PLAG1: variants seen among roughly 807,000 people sequenced by gnomAD.
The protein encoded by PLAG1 is PLAG1 zinc finger.
Under a neutral mutation model 35.5 loss-of-function variants are expected in PLAG1, and 7 were observed. The observed-to-expected ratio is 0.20, with a 90% confidence interval of 0.11 to 0.37. The LOEUF (loss-of-function observed/expected upper bound fraction) is 0.37, where lower values mean the gene tolerates loss of function less well. PLAG1 is among the 10% of genes least tolerant of loss of function. PLAG1 has a pLI of 1.00. For missense variants in PLAG1, 454 were observed against 602.8 expected, an observed-to-expected ratio of 0.75 and a Z score of 2.58; for synonymous variants, 229 against 225.4, an observed-to-expected ratio of 1.02 and a Z score of -0.14.
chr8:56,174,241 T>C (rs566316721), intron 2 of PLAG1, among the ~76,000 whole-genome samples: 25 of 152,116 alleles, frequency 1.6e-4, no homozygotes, highest in Non-Finnish European at 2.9e-4. Flanking sequence ...AAAAAGAAAC[T>C]TACCAGTTCT....
At chr8:56,207,465 C>A (rs1812732036) in intron 1 of PLAG1, among the ~76,000 whole-genome samples, 1 of 151,980 alleles carries the variant, frequency 6.6e-6, no homozygotes, top group Non-Finnish European at 1.5e-5. Context: ...ACTGATAAAG[C>A]AAATTCACTA....
intron 3 of PLAG1, among the ~76,000 whole-genome samples, chr8:56,169,821 G>C (rs1259618251): frequency 6.6e-6 from 1 of 152,204 alleles, no homozygotes; most frequent in East Asian, 1.9e-4. Flanking sequence ...TGGGATTATA[G>C]GCGTGAGCCG....
intron 2 of PLAG1, among the ~76,000 whole-genome samples, chr8:56,176,510 T>C (rs1811700811): frequency 6.6e-6 from 1 of 152,284 alleles, no homozygotes; most frequent in East Asian, 1.9e-4. Context: ...TTCATTTTTT[T>C]CACATGGGGC....
Position 56,167,259 on chromosome 8 carries a change from C to G in PLAG1, c.487G>C (p.Gly163Arg). 6.8e-6 allele frequency: 11 copies of G among 1,614,010 alleles called. No homozygotes were observed. The highest frequency in any genetic ancestry group is 9.3e-6 in the Non-Finnish European group (11 of 1,179,930). ...KVCLQTFEST[G>R]VLLEHLKSHA... ...GATTTAAGGTGCTCCAGAAGCACTC[C>G]CGTGCTTTCAAAAGTTTGCAAACAT... The change falls in exon 5 of 5, where the codon GGA becomes CGA. Residue 163 changes from glycine (G) to arginine (R), a missense_variant. By Grantham distance (125) the Gly-to-Arg change is moderately radical. Coordinates refer to ENST00000316981, the MANE Select transcript of PLAG1 (RefSeq NM_002655.3). This position sits in a 1 kb window ranked among gnomAD's most constrained non-coding sequence, Gnocchi z 5.9.
chr8:56,182,583 G>A (rs1194145359), intron 1 of PLAG1, among the ~76,000 whole-genome samples: 1 of 140,234 alleles, frequency 7.1e-6, no homozygotes, highest in Non-Finnish European at 1.6e-5. Context: ...AGCAAGAGAA[G>A]TTATTGGGTG....
At chr8:56,198,926 T>G (rs535495841) in intron 1 of PLAG1, among the ~76,000 whole-genome samples, 2 of 152,332 alleles carry the variant, frequency 1.3e-5, no homozygotes, top group South Asian at 4.2e-4. Flanking sequence ...TGGCAGGCAC[T>G]TTGTAAAATT....
chr8:56,189,015 A>G (rs891740492), intron 1 of PLAG1, among the ~76,000 whole-genome samples: 1 of 152,212 alleles, frequency 6.6e-6, no homozygotes, highest in Non-Finnish European at 1.5e-5. Flanking sequence ...GAAGGCCACA[A>G]AATGTAAGCT....
chr8:56,175,105 A>G (rs1489838916), intron 2 of PLAG1, among the ~76,000 whole-genome samples: 1 of 152,228 alleles, frequency 6.6e-6, no homozygotes, highest in African/African-American at 2.4e-5. Flanking sequence ...CTAATAGAAC[A>G]GTATTTTTTT....
In PLAG1 at chr8:56,166,207, A is replaced by G; in HGVS notation, c.*36T>C. 1 of 1,453,870 alleles carries G rather than the reference A, an allele frequency of 6.9e-7. No homozygotes were observed. The highest frequency in any genetic ancestry group is 9.3e-7 in the Non-Finnish European group (1 of 1,073,224). The allele number at this position is 1,453,870 out of a possible 1,614,324, so 90.1% of individuals were successfully genotyped here. A position where few individuals can be genotyped will look rare whatever the true frequency, so the allele number is the denominator to read the frequency against. ...AAATGGTCATCTAGGGCACAGCTAC[A>G]CATACATTTCTGTAATGAATCCATG... On this transcript the variant is annotated 3_prime_UTR_variant, in exon 5 of 5. Transcript: ENST00000316981.
Position 56,166,587 on chromosome 8 carries a change from G to C in PLAG1, c.1159C>G (p.Gln387Glu). The change falls in exon 5 of 5, where the codon CAG becomes GAG. Residue 387 changes from glutamine to glutamate, a missense_variant. Gln to Glu is a conservative substitution (Grantham distance 29, BLOSUM62 2). Transcript: ENST00000316981. ...SSSSKLGLDP[Q>E]IGSLDDGAGD... ...GCACCATCATCTAGGGACCCAATCT[G>C]AGGATCCAACCCTAGCTTAGATGAT... 6.2e-7 allele frequency: 1 copy of C among 1,613,954 alleles called. No homozygotes were observed. The highest frequency in any genetic ancestry group is 8.5e-7 in the Non-Finnish European group (1 of 1,179,880).
intron 1 of PLAG1, among the ~76,000 whole-genome samples, chr8:56,184,230 C>T (rs766828534): frequency 1.5e-4 from 23 of 152,164 alleles, no homozygotes; most frequent in Admixed American, 3.3e-4. Context: ...AAGGAGCACA[C>T]GAAAAGATCA....
Position 56,167,032 on chromosome 8 carries a change from T to C in PLAG1, c.714A>G (p.Gln238=), listed in dbSNP as rs1017618487. 10 of 1,614,000 alleles carry C rather than the reference T, an allele frequency of 6.2e-6. No individual in the cohort carries two copies. In the South Asian group the frequency reaches 8.8e-5, roughly 14 times the overall value. ...GTTCTGTTTTGACCTTCAGAAGCTC[T>C]TGATTGTGACTCTTCTTCATATGTC... ...LTRHMKKSHN[Q]ELLKVKTEPV... Residue 238 remains glutamine (Q), a synonymous_variant, in exon 5 of 5, where the codon CAA becomes CAG. Coordinates refer to ENST00000316981, the MANE Select transcript of PLAG1 (RefSeq NM_002655.3). The surrounding 1 kb of genome is among the most constrained non-coding windows in gnomAD (Gnocchi z 5.9).
intron 1 of PLAG1, among the ~76,000 whole-genome samples, chr8:56,183,897 A>C (rs1228363445): frequency 1.3e-5 from 2 of 152,200 alleles, no homozygotes; most frequent in African/African-American, 4.8e-5. Flanking sequence ...AAAGCAGAAA[A>C]ATTTCTGTGG....
At position 56,165,782 on chromosome 8, in the gene PLAG1, T is replaced by A. The variant is rs1224585057; in HGVS notation, c.*461A>T. 5.1e-6 allele frequency: 1 copy of A among 195,726 alleles called. No individual in the cohort carries two copies. Among genetic ancestry groups the A allele is most frequent in the Non-Finnish European group, 1.1e-5 (1 of 94,306 alleles). The allele number at this position is 195,726 out of a possible 1,614,324, so 12.1% of individuals were successfully genotyped here. On this transcript the variant is annotated 3_prime_UTR_variant, in exon 5 of 5. Coordinates refer to ENST00000316981, the MANE Select transcript of PLAG1 (RefSeq NM_002655.3). ...TTCATTTGAAGCACTTGATTATTAA[T>A]CCATTTAGAAGCTAGTAAGAAAATT...
At chr8:56,189,659 T>C (rs765640923) in intron 1 of PLAG1, among the ~76,000 whole-genome samples, 2 of 152,064 alleles carry the variant, frequency 1.3e-5, no homozygotes, top group Non-Finnish European at 2.9e-5. Flanking sequence ...AAGGTAAGTA[T>C]AGATTAGGTA....
intron 1 of PLAG1, among the ~76,000 whole-genome samples, chr8:56,186,457 C>G (rs1459815536): frequency 6.6e-6 from 1 of 151,960 alleles, no homozygotes; most frequent in African/African-American, 2.4e-5. Context: ...CTGCAACCTC[C>G]GCCTCCTGGG....
In PLAG1 at chr8:56,179,475, TG is replaced by T; in HGVS notation, c.-284del. On this transcript the variant is annotated 5_prime_UTR_variant, in exon 2 of 5. It introduces an in-frame stop codon into an upstream open reading frame of the 5' UTR. Transcript: ENST00000316981. ...TAGACCGTCACAGAATGAAGCATTC[TG>T]GGTGCCAAATACGGCCAAGGCAGCA... is the stretch of plus-strand genomic sequence containing the variant. The T allele has an allele frequency of 1.0e-6, 1 of 980,678 alleles. No homozygotes were observed. The highest frequency in any genetic ancestry group is 1.2e-6 in the Non-Finnish European group (1 of 825,174). 60.7% of individuals were successfully genotyped at this position (980,678 alleles called of 1,614,324 possible).
chr8:56,174,075 G>C (rs966317340), intron 2 of PLAG1, among the ~76,000 whole-genome samples: 2 of 152,130 alleles, frequency 1.3e-5, no homozygotes, highest in Admixed American at 6.5e-5. Flanking sequence ...ATATTTAAAA[G>C]TCAAACAGAT....
intron 3 of PLAG1, 31 bp from the exon 4 acceptor site, chr8:56,168,417 G>T: frequency 9.3e-7 from 1 of 1,080,080 alleles, no homozygotes; most frequent in Non-Finnish European, 1.2e-6. Flanking sequence ...CAACTAGTTT[G>T]TAACTAAACT....
Sources: gnomAD v4.1 joint callset for allele counts (sites outside exome capture counted in the v4.1 genomes callset) on GRCh38, gnomAD v4.1.1 for gene constraint, Gnocchi (gnomAD v3.1) non-coding constraint, MANE v1.5 for transcripts, NCBI Gene and HGNC (gene_info 2026-07-23, HGNC 2026-07-21) for gene names.